SYT17: variants seen among roughly 807,000 people sequenced by gnomAD.
SYT17 encodes synaptotagmin-17.
SYT17 carries 22 observed loss-of-function variants against 46.7 expected under a neutral mutation model. The ratio of observed to expected loss-of-function variants is 0.47; its 90% confidence interval spans 0.34 to 0.67. The LOEUF is 0.67. Ranked by LOEUF, SYT17 falls within the 30% of genes least tolerant of loss-of-function variation. The pLI, the probability that SYT17 is intolerant of heterozygous loss-of-function variation, is 0.01. For missense variants in SYT17, 519 were observed against 612.8 expected (o/e 0.85, Z 1.62); for synonymous variants, 251 against 248.4 (o/e 1.01, Z -0.10).
At chr16:19,202,077 TCTGGACA>T (rs1196584850) in intron 5 of SYT17, among the ~76,000 whole-genome samples, 1 of 152,160 alleles carries the variant, frequency 6.6e-6, no homozygotes, top group Non-Finnish European at 1.5e-5. Context: ...TCTCCATTTC[TCTGGACA>T]CCAACTTGGT....
chr16:19,264,368 G>C (rs1969214434), intron 7 of SYT17, among the ~76,000 whole-genome samples: 2 of 152,188 alleles, frequency 1.3e-5, no homozygotes, highest in South Asian at 4.1e-4. Context: ...ATATTTGACT[G>C]GGAGGCTCTA....
intron 5 of SYT17, among the ~76,000 whole-genome samples, chr16:19,215,203 C>CT (rs1279720802): frequency 6.6e-6 from 1 of 152,138 alleles, no homozygotes; most frequent in Non-Finnish European, 1.5e-5. Context: ...TTATATTTCT[C>CT]TTTTTTTAAA....
intron 7 of SYT17, among the ~76,000 whole-genome samples, chr16:19,238,556 T>A (rs574331728): frequency 3.3e-5 from 5 of 152,362 alleles, no homozygotes; most frequent in African/African-American, 1.2e-4. Flanking sequence ...ACATCCATTA[T>A]GGGTTCCAAT....
chr16:19,199,833 G>A (rs1965393669), intron 5 of SYT17, among the ~76,000 whole-genome samples: 1 of 152,228 alleles, frequency 6.6e-6, no homozygotes, highest in African/African-American at 2.4e-5. Flanking sequence ...ATTTCAAGCA[G>A]CAGCAAAACT....
chr16:19,249,871 C>G, intron 7 of SYT17: 1 of 1,485,668 alleles, frequency 6.7e-7, no homozygotes, highest in South Asian at 1.3e-5. Context: ...TCCATACTTT[C>G]ATCCAGGTCG....
intron 5 of SYT17, among the ~76,000 whole-genome samples, chr16:19,206,301 G>A (rs996269733): frequency 4.6e-5 from 7 of 152,150 alleles, no homozygotes. Context: ...TTTCAAGAAA[G>A]ATCAGCCTTC....
At chr16:19,248,876 T>C (rs1284695157) in intron 7 of SYT17, among the ~76,000 whole-genome samples, 1 of 151,988 alleles carries the variant, frequency 6.6e-6, no homozygotes, top group Non-Finnish European at 1.5e-5. Flanking sequence ...AAGGACATAT[T>C]AGTACACATA....
chr16:19,252,949 G>A (rs1968295100), intron 7 of SYT17, among the ~76,000 whole-genome samples: 2 of 152,124 alleles, frequency 1.3e-5, no homozygotes, highest in African/African-American at 4.8e-5. Flanking sequence ...CTGAGCCCCT[G>A]CCCAAGAGTT....
intron 5 of SYT17, among the ~76,000 whole-genome samples, chr16:19,200,503 T>A (rs771227550): frequency 6.6e-6 from 1 of 152,224 alleles, no homozygotes; most frequent in Non-Finnish European, 1.5e-5. Flanking sequence ...ACTAGCCCTA[T>A]TCAAGTGTGC....
At chr16:19,260,062 T>A (rs1320433895) in intron 7 of SYT17, among the ~76,000 whole-genome samples, 1 of 152,068 alleles carries the variant, frequency 6.6e-6, no homozygotes, top group Non-Finnish European at 1.5e-5. Flanking sequence ...CAATTGGTTA[T>A]TATCTAAAGA....
At chr16:19,221,729 AAGAT>A (rs1194770798) in intron 5 of SYT17, among the ~76,000 whole-genome samples, 8 of 152,368 alleles carry the variant, frequency 5.3e-5, no homozygotes, top group Admixed American at 1.3e-4. Context: ...GGCATCAAAA[AAGAT>A]AGAGATGAAA....
At chr16:19,237,932 A>G (rs993541186) in intron 7 of SYT17, among the ~76,000 whole-genome samples, 16 of 152,362 alleles carry the variant, frequency 1.1e-4, no homozygotes, top group African/African-American at 3.8e-4. Flanking sequence ...GAGATCAAGT[A>G]GAGCCTGCAG....
intron 7 of SYT17, among the ~76,000 whole-genome samples, chr16:19,226,295 C>T (rs764058103): frequency 1.3e-5 from 2 of 152,166 alleles, no homozygotes; most frequent in African/African-American, 2.4e-5. Flanking sequence ...TGGGGATCGA[C>T]ATCATCCTTT....
chr16:19,190,445 T>C (rs1260989372), intron 5 of SYT17, among the ~76,000 whole-genome samples: 4 of 152,184 alleles, frequency 2.6e-5, no homozygotes, highest in Non-Finnish European at 5.9e-5. Flanking sequence ...TCTTAACCAT[T>C]TTTGCCTGTA....
chr16:19,224,676 T>C lies in SYT17; in HGVS notation c.1073-7T>C. On this transcript the variant is annotated splice_region_variant and splice_polypyrimidine_tract_variant and intron_variant, in intron 6 of 7. Transcript: ENST00000355377. ...CAACATTCTATGATGCTGTGTCTAA[T>C]TTTCAGACCCCTTTGTGAAAATCCA... 6.2e-7 allele frequency: 1 copy of C among 1,613,932 alleles called. No individual in the cohort carries two copies.
Position 19,211,329 on chromosome 16 carries a change from C to T in SYT17, c.952-11716C>T, listed in dbSNP as rs569047494. 7.7e-5 allele frequency: 53 copies of T among 687,632 alleles called. No individual in the cohort carries two copies. The East Asian group carries it at 9.0e-4, about 12-fold the overall frequency. 42.6% of individuals were successfully genotyped at this position (687,632 alleles called of 1,614,324 possible). A position where few individuals can be genotyped will look rare whatever the true frequency, so the allele number is the denominator to read the frequency against. Reference sequence around the variant, plus strand: ...ATCGTGCTGACAACCCCTCTCGGCCCGTGGTGTGGCAGCAGCTCAGCCTCT... The same window carrying T: ...ATCGTGCTGACAACCCCTCTCGGCCTGTGGTGTGGCAGCAGCTCAGCCTCT... On this transcript the variant is annotated intron_variant, in intron 5 of 7. Coordinates refer to ENST00000355377, the MANE Select transcript of SYT17 (RefSeq NM_016524.4).
chr16:19,257,493 G>A (rs920103915), intron 7 of SYT17, among the ~76,000 whole-genome samples: 2 of 152,118 alleles, frequency 1.3e-5, no homozygotes, highest in African/African-American at 2.4e-5. Context: ...GCAAAAGTTG[G>A]AAAGACAATG....
intron 7 of SYT17, among the ~76,000 whole-genome samples, chr16:19,237,423 G>A (rs1483575025): frequency 6.6e-6 from 1 of 152,078 alleles, no homozygotes; most frequent in Non-Finnish European, 1.5e-5. Context: ...CAGGGATGGG[G>A]GAAAACAGCT....
intron 7 of SYT17, among the ~76,000 whole-genome samples, chr16:19,259,802 C>T (rs1053040370): frequency 6.6e-5 from 10 of 151,802 alleles, no homozygotes; most frequent in African/African-American, 1.9e-4. Context: ...TGAGACAAGT[C>T]GCAATCAGTT....
Sources: gnomAD v4.1 joint callset for allele counts (sites outside exome capture counted in the v4.1 genomes callset) on GRCh38, gnomAD v4.1.1 for gene constraint, MANE v1.5 for transcripts, NCBI Gene and HGNC (gene_info 2026-07-23, HGNC 2026-07-21) for gene names.